Variants in MROH2A observed in about 807,000 individuals in gnomAD.
MROH2A encodes the protein maestro heat-like repeat-containing protein family member 2A.
A neutral mutation model predicts 200.4 loss-of-function variants in MROH2A; 174 were observed. The ratio of observed to expected loss-of-function variants is 0.87; its 90% confidence interval spans 0.77 to 0.98. The LOEUF (loss-of-function observed/expected upper bound fraction) is 0.98. Ranked by LOEUF, MROH2A falls within the 50% of genes least tolerant of loss-of-function variation. The pLI, the probability that MROH2A is intolerant of heterozygous loss-of-function variation, is 0.00. For synonymous variants in MROH2A, 829 were observed against 840.4 expected (o/e 0.99, Z 0.23); for missense variants, 2,045 against 2,139.6 (o/e 0.96, Z 0.87).
chr2:233,817,137 A>G (rs1703591483), intron 27 of MROH2A, among the ~76,000 whole-genome samples: 1 of 152,196 alleles, frequency 6.6e-6, no homozygotes, highest in African/African-American at 2.4e-5. Flanking sequence ...TTAAGAAAAA[A>G]GATACATAGT....
In MROH2A at chr2:233,820,138, C is replaced by G; in HGVS notation, c.3512+82C>G. 1 of 1,317,498 alleles carries G rather than the reference C, an allele frequency of 7.6e-7. No homozygotes were observed. Among genetic ancestry groups the G allele is most frequent in the Non-Finnish European group, 1.0e-6 (1 of 992,864 alleles). The allele number at this position is 1,317,498 out of a possible 1,614,324, so 81.6% of individuals were successfully genotyped here. Reference sequence around the variant, plus strand: ...TCACCACCCCGATGTGTCCCAGAAGCCTGGAGCCTTGGGCAGTACCCTGCC... The same window carrying G: ...TCACCACCCCGATGTGTCCCAGAAGGCTGGAGCCTTGGGCAGTACCCTGCC... On this transcript the variant is annotated intron_variant, in intron 31 of 41. Transcript: ENST00000389758. This position sits in a 1 kb window ranked among gnomAD's most constrained non-coding sequence, Gnocchi z 4.1.
intron 37 of MROH2A, among the ~76,000 whole-genome samples, chr2:233,829,330 G>C (rs7419343): frequency 0.53 from 80,379 of 151,852 alleles, 21,574 homozygotes; most frequent in South Asian, 0.62. Flanking sequence ...ATTCCTTGCA[G>C]CTACAAATAC....
rs2126100394 is a variant in MROH2A at position 233,789,993 on chromosome 2, G to A, written c.550G>A (p.Ala184Thr). Residue 184 changes from alanine (A) to threonine (T), a missense_variant, in exon 5 of 42, where the codon GCC (alanine) becomes ACC (threonine). Physicochemically the swap from Ala to Thr is moderately conservative, Grantham distance 58 (BLOSUM62 0). Transcript: ENST00000389758. ...LTDEFVIITLAKLANGNVFEF... is the reference protein window; with the variant it reads ...LTDEFVIITLTKLANGNVFEF... ...TGATGAATTTGTCATCATCACACTG[G>A]CCAAGCTGGCCAACGGCAATGGTAG... is the stretch of plus-strand genomic sequence containing the variant. 6.5e-7 allele frequency: 1 copy of A among 1,549,718 alleles called. No individual in the cohort carries two copies. The highest frequency in any genetic ancestry group is 8.7e-7 in the Non-Finnish European group (1 of 1,146,534).
At chr2:233,798,267 C>T (rs1327239762) in intron 11 of MROH2A, among the ~76,000 whole-genome samples, 1 of 152,220 alleles carries the variant, frequency 6.6e-6, no homozygotes, top group African/African-American at 2.4e-5. Context: ...TCTGTGTTAA[C>T]TCTGTGAGAG....
At chr2:233,778,148 A>G (rs1222478535), upstream of MROH2A, among the ~76,000 whole-genome samples, 1 of 152,164 alleles carries the variant, frequency 6.6e-6, no homozygotes, top group Non-Finnish European at 1.5e-5. Flanking sequence ...CAGCACACAC[A>G]TGTGAATAAC....
In MROH2A at chr2:233,789,586, G is replaced by T; in HGVS notation, c.366G>T (p.Arg122Ser). 2 of 1,494,498 alleles carry T rather than the reference G, an allele frequency of 1.3e-6. No homozygotes were observed. The highest frequency in any genetic ancestry group is 1.8e-4 in the Middle Eastern group (1 of 5,706). 92.6% of individuals were successfully genotyped at this position (1,494,498 alleles called of 1,614,324 possible). The change falls in exon 4 of 42, where the codon AGG becomes AGT. Residue 122 changes from arginine (R) to serine (S), a missense_variant. Physicochemically the swap from Arg to Ser is moderately radical, Grantham distance 110. Coordinates refer to ENST00000389758, the MANE Select transcript of MROH2A (RefSeq NM_001394639.1). ...AGCTGGAGGAGCAGTGCGTGCAGAG[G>T]CTGGTGGCCATTGCCTCCAAGGAGA... ...EGELEEQCVQ[R>S]LVAIASKEMR...
At chr2:233,802,742 C>T (rs1301126951) in intron 15 of MROH2A, among the ~76,000 whole-genome samples, 2 of 152,180 alleles carry the variant, frequency 1.3e-5, no homozygotes, top group African/African-American at 4.8e-5. Context: ...ACACCAGGCT[C>T]TCAAAACAAC....
intron 29 of MROH2A, 104 bp from the exon 30 acceptor site, chr2:233,819,213 A>C (rs1703762979): frequency 8.4e-7 from 1 of 1,190,958 alleles, no homozygotes. Flanking sequence ...CTGAGAGAGG[A>C]TAGGAGCCTG....
intron 18 of MROH2A, among the ~76,000 whole-genome samples, 171 bp from the exon 19 acceptor site, chr2:233,804,833 T>A (rs11563243): frequency 0.32 from 48,689 of 151,860 alleles, 9,219 homozygotes; most frequent in African/African-American, 0.52. Flanking sequence ...GACCCACAGA[T>A]CATTATTAGC....
chr2:233,818,535 G>T, intron 28 of MROH2A, 117 bp from the exon 29 acceptor site: 1 of 734,730 alleles, frequency 1.4e-6, no homozygotes, highest in Non-Finnish European at 2.5e-6. Context: ...CGCCTGGGAC[G>T]TTCACATGCT....
chr2:233,799,838 G>C lies in MROH2A; in HGVS notation c.1388G>C (p.Arg463Thr). Reference protein sequence around the residue: ...GQLALCGYQERIKGWGLKYLS... With the variant: ...GQLALCGYQETIKGWGLKYLS... ...TTGGCTCTCTGTGGCTACCAGGAGA[G>C]AATCAAAGGCTGGGGCCTGAAGTAC... The change falls in exon 13 of 42, where the codon AGA becomes ACA. Residue 463 changes from arginine (R) to threonine (T), a missense_variant. This residue lies in a region of MROH2A where 831 missense variants were observed against 800.0 expected (regional missense o/e 1.04). Coordinates refer to ENST00000389758, the MANE Select transcript of MROH2A (RefSeq NM_001394639.1). 1 of 1,550,556 alleles carries C rather than the reference G, an allele frequency of 6.4e-7. No individual in the cohort carries two copies. The highest frequency in any genetic ancestry group is 8.7e-7 in the Non-Finnish European group (1 of 1,146,992).
At position 233,809,360 on chromosome 2, in the gene MROH2A, C is replaced by T. The variant is rs1575972337; in HGVS notation, c.2448+82C>T. On this transcript the variant is annotated intron_variant, in intron 22 of 41. Coordinates refer to ENST00000389758, the MANE Select transcript of MROH2A (RefSeq NM_001394639.1). ...CCTTCTGGCACTCTCTGGGCTCCTG[C>T]ATCCCTACCCAGGGGACATCCAGGC... 24 of 1,438,462 alleles carry T rather than the reference C, an allele frequency of 1.7e-5. No homozygotes were observed. The East Asian group carries it at 6.0e-4, about 36-fold the overall frequency. 89.1% of individuals were successfully genotyped at this position (1,438,462 alleles called of 1,614,324 possible). A position where few individuals can be genotyped will look rare whatever the true frequency, so the allele number is the denominator to read the frequency against.
intron 3 of MROH2A, among the ~76,000 whole-genome samples, chr2:233,789,198 T>C (rs1000330170): frequency 7.2e-5 from 11 of 152,136 alleles, no homozygotes; most frequent in Non-Finnish European, 1.3e-4. Context: ...GCTTTCAAGA[T>C]GGCCAATGCC....
chr2:233,795,438 C>T (rs1702043119), intron 8 of MROH2A, among the ~76,000 whole-genome samples: 1 of 152,174 alleles, frequency 6.6e-6, no homozygotes, highest in Admixed American at 6.5e-5. Flanking sequence ...CAGCACTTCC[C>T]AAGCCTTGCT....
At chr2:233,804,369 G>A (rs941403630) in intron 17 of MROH2A, 126 bp from the exon 18 acceptor site, 58 of 1,302,906 alleles carry the variant, frequency 4.5e-5, no homozygotes, top group Middle Eastern at 3.8e-4. Flanking sequence ...GCAATGCAAC[G>A]TGTGATGTGT....
chr2:233,797,286 A>C (rs558902700), intron 11 of MROH2A, among the ~76,000 whole-genome samples: 2 of 152,350 alleles, frequency 1.3e-5, no homozygotes, highest in East Asian at 3.9e-4. Flanking sequence ...CAACATTTGC[A>C]CTCAACAATC....
chr2:233,821,648 A>G (rs896767926), intron 31 of MROH2A, among the ~76,000 whole-genome samples: 2 of 152,074 alleles, frequency 1.3e-5, no homozygotes, highest in Admixed American at 6.5e-5. Context: ...CCCTTTTCCA[A>G]CTGTAGTTTG....
At chr2:233,791,125 G>A (rs1225857780) in intron 5 of MROH2A, among the ~76,000 whole-genome samples, 1 of 152,204 alleles carries the variant, frequency 6.6e-6, no homozygotes, top group African/African-American at 2.4e-5. Context: ...GAGTGAGAGA[G>A]AGATGAGGGG....
intron 15 of MROH2A, chr2:233,802,534 A>T: frequency 2.0e-6 from 1 of 500,512 alleles, no homozygotes. Context: ...TGGATAGCTC[A>T]CTCCTCATGT....
Sources: gnomAD v4.1 joint callset for allele counts (sites outside exome capture counted in the v4.1 genomes callset) on GRCh38, gnomAD v4.1.1 for gene constraint, gnomAD v4.1.1 regional missense constraint, Gnocchi (gnomAD v3.1) non-coding constraint, MANE v1.5 for transcripts, NCBI Gene and HGNC (gene_info 2026-07-23, HGNC 2026-07-21) for gene names.